JAM2: variants seen among roughly 807,000 people sequenced by gnomAD.
JAM2 encodes the protein junctional adhesion molecule 2.
JAM2 carries 17 observed loss-of-function variants against 42.0 expected under a neutral mutation model. The observed-to-expected ratio is 0.40, with a 90% CI of 0.28 to 0.61. JAM2 has a LOEUF of 0.61. JAM2 is among the 20% of genes least tolerant of loss of function. The pLI is 0.37. For missense variants in JAM2, 319 were observed against 358.3 expected (o/e 0.89, Z 0.89); for synonymous variants, 118 against 128.6 (o/e 0.92, Z 0.56).
At chr21:25,702,450 C>T (rs2034186858) in intron 6 of JAM2, among the ~76,000 whole-genome samples, 181 bp downstream of exon 6, 1 of 152,136 alleles carries the variant, frequency 6.6e-6, no homozygotes, top group African/African-American at 2.4e-5. Context: ...TGTTTTTAAG[C>T]CATCTCCCAA....
intron 1 of JAM2, among the ~76,000 whole-genome samples, chr21:25,675,176 G>A (rs1430933711): frequency 6.6e-6 from 1 of 152,030 alleles, no homozygotes; most frequent in Non-Finnish European, 1.5e-5. Context: ...GTGTGAGCTA[G>A]AGCAAGAGAG....
chr21:25,684,548 A>G (rs1320084844), intron 2 of JAM2, among the ~76,000 whole-genome samples: 7 of 152,218 alleles, frequency 4.6e-5, no homozygotes. Flanking sequence ...AAAAGAAACT[A>G]GTAACCTATA....
At chr21:25,698,390 G>C (rs2034086758) in intron 4 of JAM2, among the ~76,000 whole-genome samples, 1 of 152,184 alleles carries the variant, frequency 6.6e-6, no homozygotes, top group Admixed American at 6.5e-5. Flanking sequence ...GTCTGGCCCA[G>C]AAATGGGATA....
At chr21:25,703,504 A>G (rs1322553588) in intron 6 of JAM2, among the ~76,000 whole-genome samples, 2 of 152,302 alleles carry the variant, frequency 1.3e-5, no homozygotes, top group East Asian at 3.8e-4. Flanking sequence ...CATCTTTTGA[A>G]ATACATACAA....
Position 25,646,305 on chromosome 21 carries a change from T to A in JAM2, c.67+6417T>A, listed in dbSNP as rs2032609411. 2.6e-5 allele frequency among the ~76,000 whole-genome samples: 4 copies of A among 152,226 alleles called. No individual in the cohort carries two copies. The South Asian group carries it at 8.3e-4, about 32-fold the overall frequency. On this transcript the variant is annotated intron_variant, in intron 1 of 9. Coordinates refer to ENST00000480456, the MANE Select transcript of JAM2 (RefSeq NM_021219.4). ...TTTGGTTTTTAAGGAAAAAATTTTT[T>A]AATCATGTGTGCTGTGTTTTCAACT...
intron 2 of JAM2, 45 bp downstream of exon 2, chr21:25,683,993 C>T (rs1012184246): frequency 7.4e-6 from 9 of 1,219,210 alleles, no homozygotes; most frequent in Non-Finnish European, 9.4e-6. Context: ...GTTTAAATAA[C>T]TCACGAGAGT....
At chr21:25,644,403 A>G (rs1229932777) in intron 1 of JAM2, among the ~76,000 whole-genome samples, 3 of 152,192 alleles carry the variant, frequency 2.0e-5, no homozygotes, top group Admixed American at 6.5e-5. Context: ...ATCTGTTTCC[A>G]TGGCTTTTCC....
At chr21:25,708,561 C>G (rs912814514) in intron 7 of JAM2, among the ~76,000 whole-genome samples, 7 of 152,168 alleles carry the variant, frequency 4.6e-5, no homozygotes, top group Non-Finnish European at 5.9e-5. Context: ...GAGCAAGACA[C>G]TGACCAAACA....
intron 1 of JAM2, among the ~76,000 whole-genome samples, chr21:25,662,428 GC>G (rs1030775625): frequency 0.051 from 7 of 138 alleles, no homozygotes; most frequent in Non-Finnish European, 0.11. Flanking sequence ...AGGATTACAG[GC>G]GTGAGCACTG....
intron 1 of JAM2, among the ~76,000 whole-genome samples, chr21:25,678,026 G>A (rs1429704300): frequency 6.6e-6 from 1 of 152,102 alleles, no homozygotes; most frequent in Non-Finnish European, 1.5e-5. Context: ...TTGAGGTCAG[G>A]AGTTTGAGAA....
intron 1 of JAM2, among the ~76,000 whole-genome samples, chr21:25,658,913 A>G (rs1445654884): frequency 2.0e-5 from 3 of 152,160 alleles, no homozygotes; most frequent in Admixed American, 6.5e-5. Flanking sequence ...CTTACTCAAA[A>G]TCCCACATTC....
intron 6 of JAM2, among the ~76,000 whole-genome samples, chr21:25,704,898 C>A (rs1395583019): frequency 3.3e-5 from 5 of 152,060 alleles, no homozygotes; most frequent in Admixed American, 2.0e-4. Flanking sequence ...ATAAAATTCT[C>A]AATTTGCAGA....
chr21:25,679,303 T>G (rs1022589317), intron 1 of JAM2, among the ~76,000 whole-genome samples: 1 of 152,222 alleles, frequency 6.6e-6, no homozygotes, highest in Non-Finnish European at 1.5e-5. Context: ...AGTTACACAA[T>G]TCTGATTTTA....
chr21:25,684,056 C>T, intron 2 of JAM2, 108 bp downstream of exon 2: 1 of 645,032 alleles, frequency 1.6e-6, no homozygotes, highest in Non-Finnish European at 2.6e-6. Flanking sequence ...TTACCTTCTA[C>T]TAATTCCTCT....
intron 2 of JAM2, among the ~76,000 whole-genome samples, chr21:25,686,969 T>G (rs918149678): frequency 5.3e-5 from 8 of 152,218 alleles, no homozygotes; most frequent in African/African-American, 1.7e-4. Context: ...AATGAAATAA[T>G]CCCCTTAATA....
chr21:25,665,538 C>T (rs1395145577), intron 1 of JAM2, among the ~76,000 whole-genome samples: 1 of 152,082 alleles, frequency 6.6e-6, no homozygotes, highest in Non-Finnish European at 1.5e-5. Flanking sequence ...TATAAAGAGA[C>T]TTGTTTTAAG....
intron 1 of JAM2, among the ~76,000 whole-genome samples, chr21:25,673,680 G>C (rs1410975098): frequency 2.0e-5 from 3 of 152,282 alleles, no homozygotes; most frequent in African/African-American, 7.2e-5. Flanking sequence ...CAGGGAGAGA[G>C]GAAAGGGGAC....
At chr21:25,674,512 T>A (rs537738816) in intron 1 of JAM2, among the ~76,000 whole-genome samples, 27 of 152,324 alleles carry the variant, frequency 1.8e-4, no homozygotes, top group Middle Eastern at 3.4e-3. Flanking sequence ...CATTTCTTAC[T>A]TAGAAGTTAG....
intron 5 of JAM2, among the ~76,000 whole-genome samples, chr21:25,700,209 T>G (rs75558737): frequency 0.14 from 20,546 of 152,094 alleles, 1,544 homozygotes; most frequent in South Asian, 0.21. Flanking sequence ...TAAAAAAGGG[T>G]CATTAAGCTT....
Sources: gnomAD v4.1 joint callset for allele counts (sites outside exome capture counted in the v4.1 genomes callset) on GRCh38, gnomAD v4.1.1 for gene constraint, MANE v1.5 for transcripts, NCBI Gene and HGNC (gene_info 2026-07-23, HGNC 2026-07-21) for gene names.